Variants in CLSTN2 observed in about 807,000 individuals in gnomAD.
CLSTN2 encodes the protein calsyntenin 2.
Under a neutral mutation model 101.2 loss-of-function variants are expected in CLSTN2, and 48 were observed. The ratio of observed to expected loss-of-function variants is 0.47; its 90% CI spans 0.38 to 0.60. CLSTN2 has a LOEUF of 0.60. Among genes scored for constraint, CLSTN2 ranks in the 20% least tolerant of loss-of-function variants. The probability of loss-of-function intolerance (pLI) is 0.00; values close to 1 mark genes in which losing one functional copy is unlikely to be tolerated. For missense variants in CLSTN2, 1,160 were observed against 1,238.2 expected, an observed-to-expected ratio of 0.94 and a Z score of 0.95; for synonymous variants, 481 against 463.6, an observed-to-expected ratio of 1.04 and a Z score of -0.48.
rs1049602405 is a variant in CLSTN2, at chr3:140,566,337, C to G, written c.*84C>G. ...TGCCCATGTCTATCATACCTCACCT[C>G]TGATGTCTGTGACATGTCTGGGAAG... is the stretch of plus-strand genomic sequence containing the variant. On this transcript the variant is annotated 3_prime_UTR_variant, in exon 17 of 17. Coordinates refer to ENST00000458420, the MANE Select transcript of CLSTN2 (RefSeq NM_022131.3). 1.5e-6 allele frequency: 2 copies of G among 1,342,430 alleles called. No individual in the cohort carries two copies. The highest frequency in any genetic ancestry group is 2.9e-5 in the African/African-American group (2 of 69,030). The allele number at this position is 1,342,430 out of a possible 1,614,324, so 83.2% of individuals were successfully genotyped here. A position where few individuals can be genotyped will look rare whatever the true frequency, so the allele number is the denominator to read the frequency against.
chr3:140,562,806 C>A lies in CLSTN2; in HGVS notation c.2213-5C>A, dbSNP rs1342511272. 2.5e-6 allele frequency: 4 copies of A among 1,613,444 alleles called. No individual in the cohort carries two copies. Among genetic ancestry groups the A allele is most frequent in the Non-Finnish European group, 3.4e-6 (4 of 1,179,890 alleles). Reference sequence around the variant, plus strand: ...TCTGATGACAGGTGTGGTCTCTTGGCACAGGTGTGGGCTCCATGAGCCGCT... The same window carrying A: ...TCTGATGACAGGTGTGGTCTCTTGGAACAGGTGTGGGCTCCATGAGCCGCT... On this transcript the variant is annotated splice_region_variant and splice_polypyrimidine_tract_variant and intron_variant, in intron 13 of 16. Coordinates refer to ENST00000458420, the MANE Select transcript of CLSTN2 (RefSeq NM_022131.3).
At chr3:140,300,803 G>A (rs562603854) in intron 2 of CLSTN2, among the ~76,000 whole-genome samples, 137 of 151,494 alleles carry the variant, frequency 9.0e-4, no homozygotes, top group South Asian at 5.4e-3. Flanking sequence ...ACCAGTAGGC[G>A]ATATATATAT....
chr3:140,234,092 A>G (rs72990115), intron 2 of CLSTN2, among the ~76,000 whole-genome samples: 1 of 152,238 alleles, frequency 6.6e-6, no homozygotes. Flanking sequence ...CATCTGGGCC[A>G]ACTCAGCCCT....
intron 2 of CLSTN2, among the ~76,000 whole-genome samples, chr3:140,190,462 A>T (rs1261874341): frequency 6.9e-6 from 1 of 144,958 alleles, no homozygotes; most frequent in African/African-American, 2.6e-5. Context: ...AAAAAAAAAA[A>T]TCCTGCAAGG....
At chr3:140,234,324 T>A (rs1010025229) in intron 2 of CLSTN2, among the ~76,000 whole-genome samples, 1 of 152,186 alleles carries the variant, frequency 6.6e-6, no homozygotes, top group African/African-American at 2.4e-5. Flanking sequence ...TAGACGACAC[T>A]CTGAGTTCCC....
chr3:140,297,834 G>A (rs2087018793), intron 2 of CLSTN2, among the ~76,000 whole-genome samples: 1 of 152,170 alleles, frequency 6.6e-6, no homozygotes, highest in Non-Finnish European at 1.5e-5. Context: ...CCATCATGAT[G>A]GCTCAACCTA....
chr3:140,561,366 A>G (rs1271219032), intron 12 of CLSTN2, among the ~76,000 whole-genome samples: 1 of 152,172 alleles, frequency 6.6e-6, no homozygotes, highest in Non-Finnish European at 1.5e-5. Context: ...TGGGATTTTA[A>G]TTTAGGACTG....
At chr3:140,097,186 A>G (rs1042065764) in intron 1 of CLSTN2, among the ~76,000 whole-genome samples, 1 of 152,122 alleles carries the variant, frequency 6.6e-6, no homozygotes, top group Non-Finnish European at 1.5e-5. Context: ...AATAACAACT[A>G]TATTATTACC....
chr3:140,171,387 T>C (rs1299830403), intron 1 of CLSTN2, among the ~76,000 whole-genome samples: 2 of 151,798 alleles, frequency 1.3e-5, no homozygotes, highest in Non-Finnish European at 2.9e-5. Context: ...GCTTTCCAGT[T>C]AGTTTGTGAT....
At chr3:140,539,265 G>A (rs1935421226) in intron 9 of CLSTN2, among the ~76,000 whole-genome samples, 2 of 152,098 alleles carry the variant, frequency 1.3e-5, no homozygotes, top group African/African-American at 4.8e-5. Flanking sequence ...AAAGGTATGT[G>A]GCTCATGTTC....
intron 1 of CLSTN2, among the ~76,000 whole-genome samples, chr3:139,962,645 G>T (rs986291810): frequency 6.6e-6 from 1 of 152,034 alleles, no homozygotes; most frequent in African/African-American, 2.4e-5. Flanking sequence ...TTAAAAATTT[G>T]GATTAAGAAT....
chr3:140,474,956 C>CAGAGG (rs1422792431), intron 8 of CLSTN2, among the ~76,000 whole-genome samples: 9 of 130,364 alleles, frequency 6.9e-5, no homozygotes, highest in Non-Finnish European at 9.2e-5. Flanking sequence ...GGAAAGAAGC[C>CAGAGG]CCCACTACAC....
intron 2 of CLSTN2, among the ~76,000 whole-genome samples, chr3:140,223,399 T>C (rs914551360): frequency 3.9e-5 from 6 of 152,196 alleles, no homozygotes; most frequent in Non-Finnish European, 8.8e-5. Flanking sequence ...TCCCAGCACC[T>C]GGACCAGCCC....
chr3:140,512,486 G>A (rs1220196762), intron 8 of CLSTN2, among the ~76,000 whole-genome samples: 1 of 152,022 alleles, frequency 6.6e-6, no homozygotes, highest in Non-Finnish European at 1.5e-5. Flanking sequence ...GTGTGTTTTG[G>A]TTACCAGCAT....
intron 4 of CLSTN2, among the ~76,000 whole-genome samples, chr3:140,417,897 C>T (rs2088448243): frequency 6.6e-6 from 1 of 152,162 alleles, no homozygotes; most frequent in Non-Finnish European, 1.5e-5. Flanking sequence ...TTTTCACATG[C>T]ACAAATTTGG....
chr3:140,166,307 T>C (rs988375827), intron 1 of CLSTN2, among the ~76,000 whole-genome samples: 1 of 152,180 alleles, frequency 6.6e-6, no homozygotes, highest in African/African-American at 2.4e-5. Flanking sequence ...GCAGTTCTAC[T>C]AGGAGATCAG....
chr3:140,047,397 T>C (rs985853560), intron 1 of CLSTN2, among the ~76,000 whole-genome samples: 1 of 152,208 alleles, frequency 6.6e-6, no homozygotes, highest in African/African-American at 2.4e-5. Flanking sequence ...CTTAACTATC[T>C]GTGTTGGTAT....
intron 1 of CLSTN2, among the ~76,000 whole-genome samples, chr3:140,148,764 A>G (rs1560109481): frequency 6.6e-6 from 1 of 152,232 alleles, no homozygotes; most frequent in Non-Finnish European, 1.5e-5. Flanking sequence ...ATATGCCATT[A>G]GAGCTGCTAA....
chr3:140,334,739 G>A (rs1012019352), intron 2 of CLSTN2, among the ~76,000 whole-genome samples: 3 of 152,182 alleles, frequency 2.0e-5, no homozygotes, highest in Non-Finnish European at 2.9e-5. Context: ...GAAGTGGAGC[G>A]GAAACAGAAG....
Sources: allele counts gnomAD v4.1 joint callset (sites outside exome capture counted in the v4.1 genomes callset), GRCh38; gene constraint gnomAD v4.1.1; transcripts MANE v1.5; gene names NCBI Gene and HGNC (gene_info 2026-07-23, HGNC 2026-07-21).